The following ACOXL variants were observed in gnomAD, a reference collection of about 807,000 sequenced individuals.
The protein encoded by ACOXL is acyl-coenzyme A oxidase-like protein.
In ACOXL, 70 loss-of-function variants were observed where a neutral mutation model predicts 71.9. The ratio of observed to expected loss-of-function variants is 0.97; its 90% CI spans 0.80 to 1.19. The LOEUF is 1.19. ACOXL is among the 50% of genes most tolerant of loss of function. The pLI, the probability that ACOXL is intolerant of heterozygous loss-of-function variation, is 0.00. For synonymous variants in ACOXL, 253 were observed against 281.6 expected (o/e 0.90, Z 1.02); for missense variants, 703 against 736.3 (o/e 0.95, Z 0.52).
intron 15 of ACOXL, among the ~76,000 whole-genome samples, chr2:111,045,034 A>G (rs994030904): frequency 6.6e-6 from 1 of 152,176 alleles, no homozygotes; most frequent in Non-Finnish European, 1.5e-5. Flanking sequence ...AACTCTACTC[A>G]GACAGGTGGA....
At chr2:111,107,741 G>A (rs2069646936) in intron 17 of ACOXL, among the ~76,000 whole-genome samples, 1 of 152,254 alleles carries the variant, frequency 6.6e-6, no homozygotes, top group African/African-American at 2.4e-5. Context: ...GCCCGCCTTG[G>A]CTTCCCAAAG....
intron 14 of ACOXL, among the ~76,000 whole-genome samples, chr2:111,026,890 G>T (rs1574524567): frequency 1.3e-5 from 2 of 152,188 alleles, no homozygotes; most frequent in Admixed American, 1.3e-4. Context: ...TGTTGTTGTT[G>T]TTGGGTTTTT....
chr2:110,780,742 AG>A (rs1186911670), intron 2 of ACOXL, among the ~76,000 whole-genome samples: 1 of 152,150 alleles, frequency 6.6e-6, no homozygotes, highest in African/African-American at 2.4e-5. Flanking sequence ...TACAAAAAGA[AG>A]TGTTAGGCTG....
At chr2:110,923,766 C>T (rs1012507072) in intron 11 of ACOXL, among the ~76,000 whole-genome samples, 2 of 151,844 alleles carry the variant, frequency 1.3e-5, no homozygotes, top group Non-Finnish European at 2.9e-5. Context: ...AAACCCCATC[C>T]CTACTAAACA....
At chr2:111,003,956 T>G (rs2063759952) in intron 14 of ACOXL, among the ~76,000 whole-genome samples, 1 of 152,200 alleles carries the variant, frequency 6.6e-6, no homozygotes, top group Non-Finnish European at 1.5e-5. Context: ...GAGGAAAGAA[T>G]ATGGACTTCT....
At chr2:110,943,498 A>C (rs1008887881) in intron 12 of ACOXL, among the ~76,000 whole-genome samples, 3 of 152,064 alleles carry the variant, frequency 2.0e-5, no homozygotes, top group Non-Finnish European at 4.4e-5. Context: ...GGGGGAAATC[A>C]CCCCTGGAGC....
intron 12 of ACOXL, among the ~76,000 whole-genome samples, chr2:110,966,652 G>A (rs2061942736): frequency 6.6e-6 from 1 of 152,238 alleles, no homozygotes; most frequent in Admixed American, 6.5e-5. Flanking sequence ...TGAAGTGGGG[G>A]AGTTAATATC....
At chr2:110,792,194 A>G (rs564699163) in intron 3 of ACOXL, among the ~76,000 whole-genome samples, 251 of 152,240 alleles carry the variant, frequency 1.6e-3, no homozygotes, top group Non-Finnish European at 2.9e-3. Context: ...ACTCATCCTA[A>G]AGCTGGGATG....
chr2:110,942,612 G>A (rs1013653851), intron 12 of ACOXL, among the ~76,000 whole-genome samples: 3 of 151,984 alleles, frequency 2.0e-5, no homozygotes, highest in Non-Finnish European at 2.9e-5. Context: ...GTGGCCAGGC[G>A]CCATGGTTCA....
chr2:110,942,655 G>T lies in ACOXL; in HGVS notation c.1059+9013G>T, dbSNP rs540073090. ...AATCCCAGCACTTTGGGAGGCTGAG[G>T]CAGGTGGATCACTTGAGGTCAGGAG... On this transcript the variant is annotated intron_variant, in intron 12 of 17. Coordinates refer to ENST00000439055, the MANE Select transcript of ACOXL (RefSeq NM_001142807.4). 7.2e-5 allele frequency among the ~76,000 whole-genome samples: 11 copies of T among 152,070 alleles called. 1 individual carries two copies. In the South Asian group the frequency reaches 1.7e-3, roughly 23 times the overall value.
At chr2:110,983,153 T>C (rs1473826927) in intron 12 of ACOXL, among the ~76,000 whole-genome samples, 1 of 152,248 alleles carries the variant, frequency 6.6e-6, no homozygotes, top group Non-Finnish European at 1.5e-5. Context: ...TCTATTATAA[T>C]TGGCTCTAAG....
Position 110,892,178 on chromosome 2 carries a change from C to T in ACOXL, c.789-16611C>T, listed in dbSNP as rs558725281. ...AATTATGTGCAAGGATACATCAATACCAAGAAATGAAATGGGCTTATCATA... is the reference window on the plus strand; with the variant it reads ...AATTATGTGCAAGGATACATCAATATCAAGAAATGAAATGGGCTTATCATA... On this transcript the variant is annotated intron_variant, in intron 10 of 17. Transcript: ENST00000439055. 2.6e-5 allele frequency among the ~76,000 whole-genome samples: 4 copies of T among 152,118 alleles called. No individual in the cohort carries two copies. In the South Asian group the frequency reaches 6.3e-4, roughly 24 times the overall value.
intron 7 of ACOXL, 53 bp downstream of exon 7, chr2:110,799,153 C>T: frequency 1.3e-6 from 2 of 1,546,296 alleles, no homozygotes; most frequent in Non-Finnish European, 1.8e-6. Flanking sequence ...CTGCTCCCCA[C>T]CTGACTCAAG....
rs186816462 is a variant in ACOXL, at chr2:110,939,453, A to G, written c.1059+5811A>G. 1.3e-3 allele frequency among the ~76,000 whole-genome samples: 197 copies of G among 152,330 alleles called. 1 individual carries two copies. Among genetic ancestry groups the G allele is most frequent in the African/African-American group, 4.6e-3 (193 of 41,572 alleles). On this transcript the variant is annotated intron_variant, in intron 12 of 17. Coordinates refer to ENST00000439055, the MANE Select transcript of ACOXL (RefSeq NM_001142807.4). ...CTAATTTACCTAAGACTTGATATGG[A>G]TATTACTTCAACTCTTTACTACAAC...
chr2:111,074,901 A>C (rs1384914034), intron 16 of ACOXL, among the ~76,000 whole-genome samples: 1 of 152,168 alleles, frequency 6.6e-6, no homozygotes, highest in African/African-American at 2.4e-5. Context: ...TTTAGTTTTG[A>C]GTATGCAACT....
At chr2:111,066,739 G>A (rs1324442967) in intron 16 of ACOXL, among the ~76,000 whole-genome samples, 1 of 152,126 alleles carries the variant, frequency 6.6e-6, no homozygotes, top group Non-Finnish European at 1.5e-5. Context: ...CAGGGTTATT[G>A]TATTAAATAC....
At chr2:110,753,298 T>C (rs1184031951) in intron 1 of ACOXL, among the ~76,000 whole-genome samples, 1 of 152,168 alleles carries the variant, frequency 6.6e-6, no homozygotes, top group Non-Finnish European at 1.5e-5. Context: ...GCCTGCAGAA[T>C]TGTGAGCCAA....
intron 9 of ACOXL, among the ~76,000 whole-genome samples, chr2:110,829,756 C>T (rs1689597745): frequency 6.6e-6 from 1 of 152,232 alleles, no homozygotes; most frequent in South Asian, 2.1e-4. Context: ...ACATCCATCA[C>T]ATTAGACAAA....
chr2:110,826,414 A>T (rs1433954187), intron 9 of ACOXL, among the ~76,000 whole-genome samples: 1 of 152,186 alleles, frequency 6.6e-6, no homozygotes, highest in Non-Finnish European at 1.5e-5. Flanking sequence ...TCCATCCACA[A>T]AATGGGAAGA....
Sources: allele counts gnomAD v4.1 joint callset (sites outside exome capture counted in the v4.1 genomes callset), GRCh38; gene constraint gnomAD v4.1.1; transcripts MANE v1.5; gene names NCBI Gene and HGNC (gene_info 2026-07-23, HGNC 2026-07-21).